Variants in PAXBP1 observed in about 807,000 individuals in gnomAD.
The protein encoded by PAXBP1 is PAX3 and PAX7 binding protein 1.
PAXBP1 carries 44 observed loss-of-function variants against 119.9 expected under a neutral mutation model. The observed-to-expected ratio is 0.37, with a 90% confidence interval of 0.29 to 0.47. The LOEUF is 0.47. Ranked by LOEUF, PAXBP1 falls within the 20% of genes least tolerant of loss-of-function variation. The probability of loss-of-function intolerance (pLI) is 0.99; values close to 1 mark genes in which losing one functional copy is unlikely to be tolerated. For synonymous variants in PAXBP1, 393 were observed against 406.6 expected (o/e 0.97, Z 0.40); for missense variants, 898 against 1,134.1 (o/e 0.79, Z 2.99).
intron 1 of PAXBP1, 106 bp from the exon 2 acceptor site, chr21:32,770,048 C>T: frequency 1.3e-6 from 1 of 756,346 alleles, no homozygotes; most frequent in East Asian, 3.0e-5. Context: ...AATATATATA[C>T]TCATATGCCA....
chr21:32,770,003 T>A, intron 1 of PAXBP1, 61 bp from the exon 2 acceptor site: 1 of 1,291,450 alleles, frequency 7.7e-7, no homozygotes, highest in Non-Finnish European at 1.1e-6. Context: ...TTTCCCTTCT[T>A]TCACATGATC....
Position 32,759,152 on chromosome 21 carries a change from A to T in PAXBP1, c.1311T>A (p.Ile437=), listed in dbSNP as rs1282272642. ...IERLEGSSGG[I]GERYKFLQEM... Reference sequence around the variant, plus strand: ...CTTGCAAAAATTTATACCGTTCACCAATACCCCCAGAAGACCCTTCTAATC... The same window carrying T: ...CTTGCAAAAATTTATACCGTTCACCTATACCCCCAGAAGACCCTTCTAATC... The change falls in exon 7 of 18, where the codon ATT becomes ATA. Residue 437 remains isoleucine, a synonymous_variant. Transcript: ENST00000331923. 1 of 1,613,942 alleles carries T rather than the reference A, an allele frequency of 6.2e-7. No homozygotes were observed. The highest frequency in any genetic ancestry group is 8.5e-7 in the Non-Finnish European group (1 of 1,179,936).
Position 32,751,186 on chromosome 21 carries a change from A to G in PAXBP1, c.1540T>C (p.Phe514Leu), listed in dbSNP as rs773345668. 1 of 1,614,138 alleles carries G rather than the reference A, an allele frequency of 6.2e-7. No individual in the cohort carries two copies. The highest frequency in any genetic ancestry group is 8.5e-7 in the Non-Finnish European group (1 of 1,179,984). The change falls in exon 9 of 18, where the codon TTT becomes CTT. Residue 514 changes from phenylalanine to leucine, a missense_variant. Transcript: ENST00000331923. ...KALMAPNLDS[F>L]GRDRALYQEH... ...TGATACAGTGCCCGATCGCGTCCAA[A>G]GGAGTCAAGATTTGGTGCCATCAGA...
intron 5 of PAXBP1, among the ~76,000 whole-genome samples, chr21:32,760,717 T>G (rs1187058645): frequency 6.6e-6 from 1 of 152,142 alleles, no homozygotes; most frequent in Non-Finnish European, 1.5e-5. Context: ...TGTAGGTCTC[T>G]GGGGGCTGAT....
In PAXBP1 at chr21:32,738,309, T is replaced by C. The variant is rs754786993; in HGVS notation, c.2345A>G (p.Asn782Ser). The C allele has an allele frequency of 6.9e-6, 11 of 1,584,714 alleles. No individual in the cohort carries two copies. The highest frequency in any genetic ancestry group is 3.9e-5 in the Admixed American group (2 of 51,596). ...QFWSSVKLLGNFLQWYGIFSN... is the reference protein window; with the variant it reads ...QFWSSVKLLGSFLQWYGIFSN... ...GAAAATGCCATACCACTGAAGAAAA[T>C]TGCCTAACAGCTGGAAAGAAGAAAA... is the stretch of plus-strand genomic sequence containing the variant. The change falls in exon 16 of 18, where the codon AAT becomes AGT. Residue 782 changes from asparagine (N) to serine (S), a missense_variant. By Grantham distance (46) the Asn-to-Ser change is conservative (BLOSUM62 1). Transcript: ENST00000331923.
At chr21:32,761,525 A>G (rs2044146124) in intron 4 of PAXBP1, among the ~76,000 whole-genome samples, 1 of 152,380 alleles carries the variant, frequency 6.6e-6, no homozygotes, top group African/African-American at 2.4e-5. Context: ...TTCAATGAAC[A>G]TGAGTTATCA....
intron 17 of PAXBP1, among the ~76,000 whole-genome samples, chr21:32,735,760 G>A (rs913065343): frequency 6.6e-6 from 1 of 152,074 alleles, no homozygotes; most frequent in Non-Finnish European, 1.5e-5. Context: ...GCTGGTCCAG[G>A]GACCACACTT....
chr21:32,746,174 A>T (rs745987721), intron 11 of PAXBP1, among the ~76,000 whole-genome samples: 2 of 152,230 alleles, frequency 1.3e-5, no homozygotes, highest in Non-Finnish European at 2.9e-5. Flanking sequence ...CTAGAAGAAA[A>T]TCTAGGCAAT....
intron 7 of PAXBP1, chr21:32,755,554 T>C (rs932304375): frequency 2.1e-6 from 1 of 484,622 alleles, no homozygotes; most frequent in African/African-American, 2.0e-5. Flanking sequence ...CATAGAGCTA[T>C]AATGTCCAGT....
At chr21:32,739,633 G>A (rs576120700) in intron 15 of PAXBP1, among the ~76,000 whole-genome samples, 13 of 152,128 alleles carry the variant, frequency 8.5e-5, no homozygotes, top group African/African-American at 2.7e-4. Flanking sequence ...ACGGCCGGGC[G>A]CGGTGGCTCA....
intron 4 of PAXBP1, among the ~76,000 whole-genome samples, chr21:32,761,658 C>T (rs2146513752): frequency 6.6e-6 from 1 of 152,254 alleles, no homozygotes; most frequent in South Asian, 2.1e-4. Flanking sequence ...CATTTAATAG[C>T]ATTAGAGGCC....
chr21:32,737,216 A>T, intron 17 of PAXBP1, 38 bp downstream of exon 17: 1 of 1,425,572 alleles, frequency 7.0e-7, no homozygotes, highest in East Asian at 2.5e-5. Flanking sequence ...TGGCAACTAA[A>T]CAACTCTAGA....
At chr21:32,764,100 A>C (rs1398851600) in intron 3 of PAXBP1, among the ~76,000 whole-genome samples, 1 of 152,148 alleles carries the variant, frequency 6.6e-6, no homozygotes, top group Non-Finnish European at 1.5e-5. Context: ...GGACTACAGG[A>C]CCATTTTTCC....
chr21:32,761,002 A>C, intron 5 of PAXBP1, 57 bp downstream of exon 5: 1 of 1,472,838 alleles, frequency 6.8e-7, no homozygotes, highest in South Asian at 1.2e-5. Flanking sequence ...TACTTTAACA[A>C]AATAAAAAAG....
intron 2 of PAXBP1, among the ~76,000 whole-genome samples, chr21:32,765,054 A>C (rs149064726): frequency 7.2e-5 from 11 of 152,168 alleles, no homozygotes; most frequent in Non-Finnish European, 1.0e-4. Flanking sequence ...CCTATCACCT[A>C]AAGAGATGAG....
rs940086731 is a variant in PAXBP1 at position 32,735,022 on chromosome 21, A to G, written c.2682T>C (p.Ala894=). ...QIVKLLASVR[A]LDHAMSVASD... The stretch of plus-strand genomic sequence containing the variant: ...TTGCAACAGACATAGCATGATCCAA[A>G]GCTCGAACACTTGCAAGGAGTTTTA... Residue 894 remains alanine (A), a synonymous_variant, in exon 18 of 18, where the codon GCT becomes GCC. Transcript: ENST00000331923. 2.5e-6 allele frequency: 4 copies of G among 1,613,776 alleles called. No homozygotes were observed. The Admixed American group carries it at 6.7e-5, about 27-fold the overall frequency.
chr21:32,763,849 G>C (rs1366942154), intron 3 of PAXBP1, among the ~76,000 whole-genome samples: 1 of 152,074 alleles, frequency 6.6e-6, no homozygotes, highest in African/African-American at 2.4e-5. Flanking sequence ...AGCTGGGTAT[G>C]GTGGTGCACG....
chr21:32,757,222 G>A (rs1419168072), intron 7 of PAXBP1, among the ~76,000 whole-genome samples: 1 of 151,996 alleles, frequency 6.6e-6, no homozygotes, highest in South Asian at 2.1e-4. Flanking sequence ...ATTATTCAAA[G>A]TATCCAATTA....
At position 32,764,542 on chromosome 21, in the gene PAXBP1, TA is replaced by T. The variant is rs747392397; in HGVS notation, c.473-19del. On this transcript the variant is annotated intron_variant, in intron 2 of 17. Transcript: ENST00000331923. ...TTGTTCACCTAAATTTTTGAAGAAT[TA>T]AAATATATGTAAAATAAAATTCATA... is the stretch of plus-strand genomic sequence containing the variant. 1.3e-6 allele frequency: 2 copies of T among 1,532,398 alleles called. No individual in the cohort carries two copies. Among genetic ancestry groups the T allele is most frequent in the East Asian group, 4.7e-5 (2 of 42,886 alleles). 94.9% of individuals were successfully genotyped at this position (1,532,398 alleles called of 1,614,324 possible). A position where few individuals can be genotyped will look rare whatever the true frequency, so the allele number is the denominator to read the frequency against.
Sources: allele counts gnomAD v4.1 joint callset (sites outside exome capture counted in the v4.1 genomes callset), GRCh38; gene constraint gnomAD v4.1.1; transcripts MANE v1.5; gene names NCBI Gene and HGNC (gene_info 2026-07-23, HGNC 2026-07-21).